Variants in SPTSSB observed in about 807,000 individuals in gnomAD.
SPTSSB encodes the protein androgen down regulated in mouse prostate.
In SPTSSB, 6 loss-of-function variants were observed where a neutral mutation model predicts 7.7. The ratio of observed to expected loss-of-function variants is 0.78; its 90% CI spans 0.43 to 1.54. The LOEUF is 1.54. SPTSSB is among the 40% of genes most tolerant of loss of function. The probability of loss-of-function intolerance (pLI) is 0.01; values close to 1 mark genes in which losing one functional copy is unlikely to be tolerated. For missense variants in SPTSSB, 91 were observed against 93.0 expected, an observed-to-expected ratio of 0.98 and a Z score of 0.09; for synonymous variants, 28 against 29.7, an observed-to-expected ratio of 0.94 and a Z score of 0.19.
Position 161,346,440 on chromosome 3 carries a change from T to C in SPTSSB, c.-32-85A>G, listed in dbSNP as rs546069610. ...TTCATGATCTCAGCATGTTAAAATC[T>C]TTCAAAGATTTGTTAAAGATCATTG... is the stretch of plus-strand genomic sequence containing the variant. On this transcript the variant is annotated intron_variant, in intron 2 of 2. Coordinates refer to ENST00000620149, the MANE Select transcript of SPTSSB (RefSeq NM_001040100.2). 4.1e-5 allele frequency: 26 copies of C among 639,916 alleles called. No homozygotes were observed. The East Asian group carries it at 7.2e-4, about 18-fold the overall frequency. The allele number at this position is 639,916 out of a possible 1,614,324, so 39.6% of individuals were successfully genotyped here.
intron 1 of SPTSSB, among the ~76,000 whole-genome samples, chr3:161,369,708 A>G (rs1715425032): frequency 6.6e-6 from 1 of 151,986 alleles, no homozygotes; most frequent in South Asian, 2.1e-4. Context: ...GCTGGGGATG[A>G]TGAGTAATGC....
chr3:161,353,401 T>C (rs1576896762), intron 2 of SPTSSB, among the ~76,000 whole-genome samples: 1 of 152,354 alleles, frequency 6.6e-6, no homozygotes, highest in Non-Finnish European at 1.5e-5. Flanking sequence ...TATTTATGTT[T>C]GCTAATTGAA....
At chr3:161,355,264 G>T (rs1162516109) in intron 2 of SPTSSB, among the ~76,000 whole-genome samples, 2 of 152,166 alleles carry the variant, frequency 1.3e-5, no homozygotes, top group African/African-American at 4.8e-5. Flanking sequence ...TATAACTTCT[G>T]AGTGGCTTTT....
At chr3:161,355,678 G>A (rs1714741018) in intron 2 of SPTSSB, among the ~76,000 whole-genome samples, 1 of 152,156 alleles carries the variant, frequency 6.6e-6, no homozygotes, top group South Asian at 2.1e-4. Context: ...TCAGGGACTG[G>A]GGAGACGCAG....
intron 2 of SPTSSB, among the ~76,000 whole-genome samples, chr3:161,358,697 A>G (rs546424531): frequency 6.6e-6 from 1 of 152,218 alleles, no homozygotes; most frequent in East Asian, 1.9e-4. Context: ...TAGAGAGGTT[A>G]TTTTTCAGAA....
intron 1 of SPTSSB, among the ~76,000 whole-genome samples, chr3:161,368,715 C>T (rs1286385291): frequency 6.6e-6 from 1 of 152,124 alleles, no homozygotes; most frequent in South Asian, 2.1e-4. Context: ...CGTGAGCCAC[C>T]GCGCCCGGCC....
intron 2 of SPTSSB, among the ~76,000 whole-genome samples, chr3:161,358,076 T>C (rs1250268095): frequency 6.7e-6 from 1 of 148,980 alleles, no homozygotes; most frequent in Non-Finnish European, 1.5e-5. Flanking sequence ...GATGGAGTTT[T>C]CCTATGTTGT....
chr3:161,364,192 AT>A (rs1175761062), intron 1 of SPTSSB, among the ~76,000 whole-genome samples: 1 of 152,018 alleles, frequency 6.6e-6, no homozygotes, highest in African/African-American at 2.4e-5. Flanking sequence ...CAACGCCAGA[AT>A]AATTTTGAGA....
intron 1 of SPTSSB, among the ~76,000 whole-genome samples, chr3:161,368,669 G>A (rs1183903071): frequency 2.0e-5 from 3 of 151,996 alleles, no homozygotes; most frequent in African/African-American, 4.8e-5. Context: ...CTCGTGATCC[G>A]CCCGCCTCGG....
At chr3:161,358,665 T>C (rs1284832394) in intron 2 of SPTSSB, among the ~76,000 whole-genome samples, 1 of 152,140 alleles carries the variant, frequency 6.6e-6, no homozygotes, top group East Asian at 1.9e-4. Flanking sequence ...CTTTTATTGG[T>C]TACTAAATTC....
Position 161,345,989 on chromosome 3 carries a change from G to A in SPTSSB, c.*104C>T. The A allele has an allele frequency of 1.5e-6, 1 of 657,964 alleles. No individual in the cohort carries two copies. Among genetic ancestry groups the A allele is most frequent in the Non-Finnish European group, 2.7e-6 (1 of 367,766 alleles). 40.8% of individuals were successfully genotyped at this position (657,964 alleles called of 1,614,324 possible). ...TATAAGAGTGCATAGAGAAGAGAGTGCTTTTCAGGTCAGATAGTGAAGGAA... is the reference window on the plus strand; with the variant it reads ...TATAAGAGTGCATAGAGAAGAGAGTACTTTTCAGGTCAGATAGTGAAGGAA... On this transcript the variant is annotated 3_prime_UTR_variant, in exon 3 of 3. Transcript: ENST00000620149.
intron 2 of SPTSSB, among the ~76,000 whole-genome samples, chr3:161,353,550 G>C (rs2108158739): frequency 6.6e-6 from 1 of 151,810 alleles, no homozygotes; most frequent in African/African-American, 2.4e-5. Context: ...ACATACTGTT[G>C]TGTGGGCTGT....
intron 1 of SPTSSB, among the ~76,000 whole-genome samples, chr3:161,361,567 T>C (rs1263189072): frequency 1.3e-5 from 2 of 152,198 alleles, no homozygotes; most frequent in Non-Finnish European, 2.9e-5. Context: ...TGAACATTAG[T>C]TATGCCATCA....
In SPTSSB at chr3:161,346,067, T is replaced by A. The variant is rs551162724; in HGVS notation, c.*26A>T. 8.6e-7 allele frequency: 1 copy of A among 1,162,524 alleles called. No individual in the cohort carries two copies. The highest frequency in any genetic ancestry group is 1.2e-5 in the South Asian group (1 of 80,932). The allele number at this position is 1,162,524 out of a possible 1,614,324, so 72.0% of individuals were successfully genotyped here. ...CTGTAAGCAACATATAAATATGCAA[T>A]GCCATTTCACTGAATGTGAACAGGA... is the stretch of plus-strand genomic sequence containing the variant. On this transcript the variant is annotated 3_prime_UTR_variant, in exon 3 of 3. Transcript: ENST00000620149.
At chr3:161,356,042 C>G (rs1396783774) in intron 2 of SPTSSB, among the ~76,000 whole-genome samples, 4 of 152,048 alleles carry the variant, frequency 2.6e-5, no homozygotes, top group Non-Finnish European at 4.4e-5. Context: ...AACAAATAAC[C>G]CCAAAGGTCT....
intron 1 of SPTSSB, among the ~76,000 whole-genome samples, chr3:161,363,820 A>AG (rs1292139411): frequency 2.0e-5 from 3 of 152,124 alleles, no homozygotes; most frequent in Admixed American, 6.5e-5. Context: ...CTAAATTTCA[A>AG]GGTACCTCAA....
Position 161,345,889 on chromosome 3 carries a change from G to C in SPTSSB, c.*204C>G. On this transcript the variant is annotated 3_prime_UTR_variant, in exon 3 of 3. Coordinates refer to ENST00000620149, the MANE Select transcript of SPTSSB (RefSeq NM_001040100.2). ...AGGTAAAGTCACTGTATTATCTCCGGTCTAAAGCACAATGTAGCATGTGCA... is the reference window on the plus strand; with the variant it reads ...AGGTAAAGTCACTGTATTATCTCCGCTCTAAAGCACAATGTAGCATGTGCA... 2.2e-6 allele frequency: 1 copy of C among 463,364 alleles called. No homozygotes were observed. The allele number at this position is 463,364 out of a possible 1,614,324, so 28.7% of individuals were successfully genotyped here.
chr3:161,358,970 G>A (rs1229501551), intron 2 of SPTSSB, among the ~76,000 whole-genome samples: 2 of 152,158 alleles, frequency 1.3e-5, no homozygotes, highest in Non-Finnish European at 2.9e-5. Flanking sequence ...AAAAGGGGAA[G>A]GATTGGGAAG....
intron 2 of SPTSSB, among the ~76,000 whole-genome samples, chr3:161,352,365 TAAAG>T (rs1056018029): frequency 1.2e-4 from 18 of 152,348 alleles, no homozygotes; most frequent in Admixed American, 1.0e-3. Flanking sequence ...AGCTATTGCT[TAAAG>T]AAGCTATTTT....
Sources: allele counts gnomAD v4.1 joint callset (sites outside exome capture counted in the v4.1 genomes callset), GRCh38; gene constraint gnomAD v4.1.1; transcripts MANE v1.5; gene names NCBI Gene and HGNC (gene_info 2026-07-23, HGNC 2026-07-21).